The following SNX32 variants were observed in gnomAD, a reference collection of about 807,000 sequenced individuals.
SNX32 encodes sorting nexin 32.
Under a neutral mutation model 57.0 loss-of-function variants are expected in SNX32, and 58 were observed. The ratio of observed to expected loss-of-function variants is 1.02; its 90% confidence interval spans 0.82 to 1.27. The LOEUF (loss-of-function observed/expected upper bound fraction) is 1.27. Ranked by LOEUF, SNX32 falls within the 50% of genes most tolerant of loss-of-function variation. SNX32 has a pLI of 0.00. For synonymous variants in SNX32, 262 were observed against 220.4 expected (o/e 1.19, Z -1.67); for missense variants, 589 against 541.2 (o/e 1.09, Z -0.88).
chr11:65,840,955 T>G (rs534651699), intron 1 of SNX32, among the ~76,000 whole-genome samples: 106 of 152,232 alleles, frequency 7.0e-4, no homozygotes, highest in African/African-American at 2.4e-3. Context: ...TTTCTTTCTT[T>G]TTTTTCTGAG....
intron 1 of SNX32, among the ~76,000 whole-genome samples, chr11:65,847,412 G>C (rs1296571122): frequency 6.6e-6 from 1 of 152,084 alleles, no homozygotes; most frequent in Non-Finnish European, 1.5e-5. Flanking sequence ...CATCACGGAG[G>C]CTGCGGTGAG....
In SNX32 at chr11:65,852,663, GACT is replaced by G. The variant is rs763330648; in HGVS notation, c.949_951del (p.Tyr317del). 54 of 1,599,442 alleles carry G rather than the reference GACT, an allele frequency of 3.4e-5. No homozygotes were observed. Among genetic ancestry groups the G allele is most frequent in the East Asian group, 4.5e-5 (2 of 44,338 alleles). ...GTACCGGCGGCTGCGGGCACTGGCC[GACT>G]ACGAGAATGCCAACAAGGCGCTGGA... is the stretch of plus-strand genomic sequence containing the variant. On this transcript the variant is annotated inframe_deletion, in exon 11 of 13. Coordinates refer to ENST00000308342, the MANE Select transcript of SNX32 (RefSeq NM_152760.3).
chr11:65,852,497 C>T lies in SNX32; in HGVS notation c.858C>T (p.Asp286=), dbSNP rs895469187. 4 of 1,614,118 alleles carry T rather than the reference C, an allele frequency of 2.5e-6. No individual in the cohort carries two copies. Among genetic ancestry groups the T allele is most frequent in the Admixed American group, 3.3e-5 (2 of 60,000 alleles). Residue 286 remains aspartate, a synonymous_variant, in exon 10 of 13, where the codon GAC becomes GAT. Transcript: ENST00000308342. The stretch of plus-strand genomic sequence containing the variant: ...AGGGCCGGGTGGCTTCCGATGAGGA[C>T]CTGAAGCTGTCAGACATGCTGAGGT... ...KLEGRVASDE[D]LKLSDMLRYY...
intron 9 of SNX32, 148 bp downstream of exon 9, chr11:65,851,827 T>A: frequency 1.2e-6 from 1 of 845,650 alleles, no homozygotes; most frequent in Non-Finnish European, 1.9e-6. Flanking sequence ...CAGACTAGTT[T>A]AACAAAAGGT....
intron 1 of SNX32, among the ~76,000 whole-genome samples, chr11:65,842,023 G>A (rs1228694793): frequency 6.6e-6 from 1 of 152,102 alleles, no homozygotes; most frequent in African/African-American, 2.4e-5. Context: ...AAATTAACAA[G>A]CAGAATATCT....
intron 1 of SNX32, among the ~76,000 whole-genome samples, chr11:65,834,850 CTGTG>C (rs1323492404): frequency 4.8e-5 from 7 of 145,416 alleles, no homozygotes; most frequent in Admixed American, 3.4e-4. Flanking sequence ...ATTTCTGGGT[CTGTG>C]TGTGTGTTTG....
intron 1 of SNX32, among the ~76,000 whole-genome samples, chr11:65,847,646 A>ACTGTAATCC (rs1457077554): frequency 6.6e-6 from 1 of 152,172 alleles, no homozygotes; most frequent in Non-Finnish European, 1.5e-5. Flanking sequence ...GCAGTGGCTC[A>ACTGTAATCC]CACCTGTAAT....
In SNX32 at chr11:65,850,566, C is replaced by T. The variant is rs369342138; in HGVS notation, c.498+12C>T. The T allele has an allele frequency of 5.2e-5, 83 of 1,597,082 alleles. No individual in the cohort carries two copies. The highest frequency in any genetic ancestry group is 3.0e-4 in the East Asian group (13 of 43,990). On this transcript the variant is annotated intron_variant, in intron 5 of 12. Transcript: ENST00000308342. ...AATATGGACAGGATGTGAGCTGGGC[C>T]GAATCCCTGGGGTCACCCTTGGGCC... is the stretch of plus-strand genomic sequence containing the variant.
Position 65,851,350 on chromosome 11 carries a change from T to C in SNX32, c.732T>C (p.Pro244=). The change falls in exon 8 of 13, where the codon CCT becomes CCC. Residue 244 remains proline (P), a synonymous_variant. Coordinates refer to ENST00000308342, the MANE Select transcript of SNX32 (RefSeq NM_152760.3). ...CAGGCCTGGCAGACGATTATATCCC[T>C]ATCTCAGCTGCGCTGAGCAGTCTGG... ...AHKCLADDYI[P]ISAALSSLGT... 2 of 1,614,128 alleles carry C rather than the reference T, an allele frequency of 1.2e-6. No homozygotes were observed. Among genetic ancestry groups the C allele is most frequent in the Admixed American group, 1.7e-5 (1 of 60,024 alleles).
intron 1 of SNX32, among the ~76,000 whole-genome samples, chr11:65,848,870 C>T (rs936391699): frequency 4.0e-5 from 6 of 151,832 alleles, no homozygotes; most frequent in East Asian, 1.9e-4. Context: ...TTGCTGGGCA[C>T]GGTGGCTCAT....
intron 1 of SNX32, among the ~76,000 whole-genome samples, chr11:65,844,264 T>G (rs1858925545): frequency 6.6e-6 from 1 of 151,938 alleles, no homozygotes; most frequent in Non-Finnish European, 1.5e-5. Context: ...ATCAGTCCAG[T>G]GAGATATTAT....
rs1231219652 is a variant in SNX32, at chr11:65,853,666, TCTC to T, written c.*334_*336del. The T allele has an allele frequency of 1.3e-5, 5 of 376,424 alleles. No homozygotes were observed. The highest frequency in any genetic ancestry group is 2.5e-5 in the Non-Finnish European group (5 of 203,930). 23.3% of individuals were successfully genotyped at this position (376,424 alleles called of 1,614,324 possible). A position where few individuals can be genotyped will look rare whatever the true frequency, so the allele number is the denominator to read the frequency against. On this transcript the variant is annotated 3_prime_UTR_variant, in exon 13 of 13. Coordinates refer to ENST00000308342, the MANE Select transcript of SNX32 (RefSeq NM_152760.3). ...CATAGCTCACTTGATCCCGGCCTGT[TCTC>T]CTTCGCAAATAAAAACCCTGGTTTT...
intron 1 of SNX32, among the ~76,000 whole-genome samples, chr11:65,844,803 C>G (rs1858942451): frequency 6.6e-6 from 1 of 151,600 alleles, no homozygotes; most frequent in Non-Finnish European, 1.5e-5. Flanking sequence ...CCCATCTCTA[C>G]TAAATTACAA....
rs778530397 is a variant in SNX32 at position 65,853,302 on chromosome 11, G to C, written c.1179G>C (p.Arg393=). The C allele has an allele frequency of 6.2e-6, 10 of 1,613,968 alleles. No homozygotes were observed. The highest frequency in any genetic ancestry group is 2.2e-5 in the East Asian group (1 of 44,892). Residue 393 remains arginine, a synonymous_variant, in exon 13 of 13, where the codon CGG becomes CGC. Coordinates refer to ENST00000308342, the MANE Select transcript of SNX32 (RefSeq NM_152760.3). ...TGCAGGCCAGCACCCTGATTCTCCG[G>C]AACACCCTTGTTGCCCTAAAGGGGG... ...KHAKASTLIL[R]NTLVALKGEP
At chr11:65,837,774 C>A (rs547162425) in intron 1 of SNX32, among the ~76,000 whole-genome samples, 1 of 141,968 alleles carries the variant, frequency 7.0e-6, no homozygotes, top group East Asian at 2.1e-4. Context: ...GAGCCAAGAT[C>A]TCGCCACTGT....
chr11:65,850,066 G>A (rs1406948637), intron 3 of SNX32, 36 bp downstream of exon 3: 1 of 1,614,020 alleles, frequency 6.2e-7, no homozygotes, highest in Non-Finnish European at 8.5e-7. Context: ...GGAGGGACAG[G>A]CAGAGCACTT....
chr11:65,839,628 G>A (rs1365883416), intron 1 of SNX32, among the ~76,000 whole-genome samples: 1 of 128,086 alleles, frequency 7.8e-6, no homozygotes, highest in African/African-American at 2.8e-5. Flanking sequence ...TATAGCATGA[G>A]CCACCGCACA....
rs1483090743 is a variant in SNX32, at chr11:65,853,494, C to T, written c.*159C>T. 2.8e-6 allele frequency: 2 copies of T among 702,546 alleles called. No individual in the cohort carries two copies. Among genetic ancestry groups the T allele is most frequent in the Admixed American group, 2.3e-5 (1 of 42,896 alleles). 43.5% of individuals were successfully genotyped at this position (702,546 alleles called of 1,614,324 possible). A position where few individuals can be genotyped will look rare whatever the true frequency, so the allele number is the denominator to read the frequency against. Reference sequence around the variant, plus strand: ...CAGGGAAAGCCCAAACCCCCTATCACCACCACCACAGGTGCCAGGCCCTGC... The same window carrying T: ...CAGGGAAAGCCCAAACCCCCTATCATCACCACCACAGGTGCCAGGCCCTGC... On this transcript the variant is annotated 3_prime_UTR_variant, in exon 13 of 13. Coordinates refer to ENST00000308342, the MANE Select transcript of SNX32 (RefSeq NM_152760.3).
At chr11:65,836,389 A>G (rs1393302191) in intron 1 of SNX32, among the ~76,000 whole-genome samples, 1 of 152,002 alleles carries the variant, frequency 6.6e-6, no homozygotes, top group African/African-American at 2.4e-5. Flanking sequence ...CTAAAAATAC[A>G]AAAAATTGGC....
Sources: gnomAD v4.1 joint callset for allele counts (sites outside exome capture counted in the v4.1 genomes callset) on GRCh38, gnomAD v4.1.1 for gene constraint, MANE v1.5 for transcripts, NCBI Gene and HGNC (gene_info 2026-07-23, HGNC 2026-07-21) for gene names.